The following FHOD3 variants were observed in gnomAD, a reference collection of about 807,000 sequenced individuals.
FHOD3 encodes the protein formin homology 2 domain containing 3.
A neutral mutation model predicts 173.0 loss-of-function variants in FHOD3; 90 were observed. The ratio of observed to expected loss-of-function variants is 0.52; its 90% CI spans 0.44 to 0.62. The LOEUF is 0.62. Ranked by LOEUF, FHOD3 falls within the 20% of genes least tolerant of loss-of-function variation. The pLI, the probability that FHOD3 is intolerant of heterozygous loss-of-function variation, is 0.00. For synonymous variants in FHOD3, 828 were observed against 823.0 expected, an observed-to-expected ratio of 1.01 and a Z score of -0.10; for missense variants, 1,945 against 2,034.7, an observed-to-expected ratio of 0.96 and a Z score of 0.85.
intron 3 of FHOD3, among the ~76,000 whole-genome samples, chr18:36,479,661 C>T (rs1443243005): frequency 6.6e-6 from 1 of 151,904 alleles, no homozygotes; most frequent in Admixed American, 6.6e-5. Context: ...AGCCATTATT[C>T]TTAGACATAT....
chr18:36,558,266 C>T (rs2057965548), intron 5 of FHOD3, among the ~76,000 whole-genome samples: 2 of 152,062 alleles, frequency 1.3e-5, no homozygotes, highest in African/African-American at 4.8e-5. Flanking sequence ...GTTCCCCTTC[C>T]CTGTGTGATG....
intron 2 of FHOD3, among the ~76,000 whole-genome samples, chr18:36,361,821 C>T (rs545013329): frequency 3.3e-5 from 5 of 152,224 alleles, no homozygotes; most frequent in Admixed American, 1.3e-4. Context: ...TTCCCTGCCA[C>T]GCCCAGCCTC....
chr18:36,581,451 C>T (rs1416128067), intron 6 of FHOD3, among the ~76,000 whole-genome samples: 1 of 152,198 alleles, frequency 6.6e-6, no homozygotes, highest in Non-Finnish European at 1.5e-5. Flanking sequence ...TGCCTCAGGG[C>T]GCTGGCATGG....
intron 11 of FHOD3, among the ~76,000 whole-genome samples, chr18:36,650,780 TG>T (rs1260787879): frequency 6.6e-6 from 1 of 152,228 alleles, no homozygotes; most frequent in Non-Finnish European, 1.5e-5. Flanking sequence ...TGGAAGAATC[TG>T]GCTGGAAAAG....
chr18:36,769,358 C>A lies in FHOD3; in HGVS notation c.4718C>A (p.Ala1573Asp). 6.2e-7 allele frequency: 1 copy of A among 1,614,130 alleles called. No homozygotes were observed. The highest frequency in any genetic ancestry group is 8.5e-7 in the Non-Finnish European group (1 of 1,180,008). ...ATCATGGACCGCATCGTCAAGTCAG[C>A]CACCCAAGTGCCCAGTCAGCGAGTG... ...DEIMDRIVKS[A>D]TQVPSQRVVP... The change falls in exon 28 of 29, where the codon GCC becomes GAC. Residue 1573 changes from alanine to aspartate, a missense_variant. By Grantham distance (126) the Ala-to-Asp change is moderately radical. Coordinates refer to ENST00000590592, the MANE Select transcript of FHOD3 (RefSeq NM_001281740.3).
intron 5 of FHOD3, among the ~76,000 whole-genome samples, chr18:36,538,491 C>T (rs1299617486): frequency 6.6e-6 from 1 of 152,136 alleles, no homozygotes; most frequent in East Asian, 1.9e-4. Context: ...GGGTATATTC[C>T]TACAGATTCT....
Position 36,578,417 on chromosome 18 carries a change from C to T in FHOD3, c.606+1872C>T, listed in dbSNP as rs562033443. Among the ~76,000 whole-genome samples the T allele has an allele frequency of 2.6e-5, 4 of 152,316 alleles. No homozygotes were observed. In the East Asian group the frequency reaches 5.8e-4, roughly 22 times the overall value. On this transcript the variant is annotated intron_variant, in intron 6 of 28. Coordinates refer to ENST00000590592, the MANE Select transcript of FHOD3 (RefSeq NM_001281740.3). The stretch of plus-strand genomic sequence containing the variant: ...CCACCCTCATGATTCACTTACCTCC[C>T]ACTGGGTCCCTCCCATGACATGTGG...
At chr18:36,310,744 G>C (rs564493489) in intron 1 of FHOD3, among the ~76,000 whole-genome samples, 3 of 151,782 alleles carry the variant, frequency 2.0e-5, no homozygotes, top group Non-Finnish European at 4.4e-5. Flanking sequence ...AAAAATCCAC[G>C]TGGACTGCAT....
rs1467563243 is a variant in FHOD3, at chr18:36,744,045, A to G, written c.3893A>G (p.Glu1298Gly). 1.9e-6 allele frequency: 3 copies of G among 1,614,182 alleles called. No individual in the cohort carries two copies. The highest frequency in any genetic ancestry group is 1.6e-4 in the Middle Eastern group (1 of 6,062). ...TTTGCAAAACAGGCCAAAGCGTTTG[A>G]GTTAAGCTACCTCGAGAAGGTTCCA... ...FLNGTNAKAFELSYLEKVPEV... is the reference protein window; with the variant it reads ...FLNGTNAKAFGLSYLEKVPEV... The change falls in exon 23 of 29, where the codon GAG becomes GGG. Residue 1298 changes from glutamate (E) to glycine (G), a missense_variant. Physicochemically the swap from Glu to Gly is moderately conservative, Grantham distance 98. Coordinates refer to ENST00000590592, the MANE Select transcript of FHOD3 (RefSeq NM_001281740.3).
chr18:36,405,507 T>A (rs1404229350), intron 3 of FHOD3, among the ~76,000 whole-genome samples: 1 of 152,244 alleles, frequency 6.6e-6, no homozygotes, highest in Non-Finnish European at 1.5e-5. Flanking sequence ...CAATTTAAAT[T>A]TTCAGGTTTT....
At chr18:36,399,796 C>T (rs183138411) in intron 3 of FHOD3, among the ~76,000 whole-genome samples, 11 of 152,324 alleles carry the variant, frequency 7.2e-5, no homozygotes, top group Admixed American at 2.0e-4. Flanking sequence ...TTATAGCCAC[C>T]GCCAGGAAGA....
intron 9 of FHOD3, among the ~76,000 whole-genome samples, chr18:36,619,829 A>G (rs747953339): frequency 2.0e-5 from 3 of 152,220 alleles, no homozygotes; most frequent in Admixed American, 6.5e-5. Context: ...GGGGCCAGAA[A>G]GAGGGGCAGC....
At chr18:36,591,862 G>A (rs1395696391) in intron 6 of FHOD3, among the ~76,000 whole-genome samples, 1 of 152,300 alleles carries the variant, frequency 6.6e-6, no homozygotes, top group East Asian at 1.9e-4. Flanking sequence ...GTTTGAGGCT[G>A]CAGTGAGCTG....
intron 3 of FHOD3, among the ~76,000 whole-genome samples, chr18:36,431,920 A>G (rs2050572534): frequency 6.6e-6 from 1 of 152,206 alleles, no homozygotes; most frequent in Non-Finnish European, 1.5e-5. Flanking sequence ...GAAGCACATC[A>G]CATGTGGTAC....
intron 14 of FHOD3, among the ~76,000 whole-genome samples, chr18:36,668,106 A>G (rs1253961452): frequency 2.0e-5 from 3 of 152,128 alleles, no homozygotes; most frequent in South Asian, 2.1e-4. Context: ...TCTTCCTTAA[A>G]TATTTCATAG....
chr18:36,367,871 G>A (rs1469638507), intron 2 of FHOD3, among the ~76,000 whole-genome samples: 1 of 152,058 alleles, frequency 6.6e-6, no homozygotes, highest in Non-Finnish European at 1.5e-5. Context: ...ATTCTCATGA[G>A]ATCTTAGGCT....
chr18:36,301,361 A>C (rs1037157610), intron 1 of FHOD3, among the ~76,000 whole-genome samples: 2 of 152,246 alleles, frequency 1.3e-5, no homozygotes, highest in Non-Finnish European at 2.9e-5. Flanking sequence ...TTGTCATCTT[A>C]TGCAAAAATA....
At chr18:36,331,880 G>GA (rs751521456) in intron 1 of FHOD3, among the ~76,000 whole-genome samples, 42 of 152,288 alleles carry the variant, frequency 2.8e-4, no homozygotes, top group Admixed American at 5.2e-4. Context: ...GGGGGCAGGG[G>GA]ATGAGTGAGC....
chr18:36,531,373 T>C (rs1377935465), intron 5 of FHOD3, among the ~76,000 whole-genome samples: 2 of 152,140 alleles, frequency 1.3e-5, no homozygotes, highest in African/African-American at 2.4e-5. Context: ...GCTTTGCAGT[T>C]TGTCCCTTTG....
Sources: gnomAD v4.1 joint callset for allele counts (sites outside exome capture counted in the v4.1 genomes callset) on GRCh38, gnomAD v4.1.1 for gene constraint, MANE v1.5 for transcripts, NCBI Gene and HGNC (gene_info 2026-07-23, HGNC 2026-07-21) for gene names.